The following ECE1 variants were observed in gnomAD, a reference collection of about 807,000 sequenced individuals.
The protein encoded by ECE1 is endothelin converting enzyme 1.
A neutral mutation model predicts 98.6 loss-of-function variants in ECE1; 35 were observed. The ratio of observed to expected loss-of-function variants is 0.35; its 90% CI spans 0.27 to 0.47. The LOEUF (loss-of-function observed/expected upper bound fraction) is 0.47, where lower values mean the gene tolerates loss of function less well. Ranked by LOEUF, ECE1 falls within the 20% of genes least tolerant of loss-of-function variation. The probability of loss-of-function intolerance (pLI) is 1.00; values close to 1 mark genes in which losing one functional copy is unlikely to be tolerated. For synonymous variants in ECE1, 394 were observed against 407.1 expected (o/e 0.97, Z 0.39); for missense variants, 814 against 1,025.3 (o/e 0.79, Z 2.81).
chr1:21,322,036 G>T lies in ECE1; in HGVS notation c.3+23340C>A, dbSNP rs1426003477. Among the ~76,000 whole-genome samples the T allele has an allele frequency of 1.3e-5, 2 of 152,152 alleles. No individual in the cohort carries two copies. Among genetic ancestry groups the T allele is most frequent in the African/African-American group, 4.8e-5 (2 of 41,424 alleles). ...TCCCAGGTCCGAATGAAACAGAGCT[G>T]CGTCCCCGGCCACCCTTTGGTCTGG... is the stretch of plus-strand genomic sequence containing the variant. On this transcript the variant is annotated intron_variant, in intron 1 of 18. Coordinates refer to the ECE1 transcript ENST00000415912. The surrounding 1 kb of genome is among the most constrained non-coding windows in gnomAD (Gnocchi z 4.1).
chr1:21,306,688 C>G (rs1638605569), intron 1 of ECE1, among the ~76,000 whole-genome samples: 1 of 152,180 alleles, frequency 6.6e-6, no homozygotes, highest in African/African-American at 2.4e-5. Context: ...AGGTTACAGT[C>G]AAGATCATCC....
intron 8 of ECE1, among the ~76,000 whole-genome samples, chr1:21,255,586 G>C (rs1203033110): frequency 2.0e-5 from 3 of 152,194 alleles, no homozygotes; most frequent in South Asian, 2.1e-4. Flanking sequence ...CATTTATTAA[G>C]TGCTCACTGT....
chr1:21,284,140 G>GCACC (rs543340690), intron 2 of ECE1, among the ~76,000 whole-genome samples: 42 of 152,338 alleles, frequency 2.8e-4, no homozygotes, highest in South Asian at 1.0e-3. Flanking sequence ...CATCCCTGTC[G>GCACC]CACCTGCCCA....
chr1:21,323,147 C>A (rs1460765904), intron 1 of ECE1, among the ~76,000 whole-genome samples: 1 of 152,208 alleles, frequency 6.6e-6, no homozygotes, highest in Non-Finnish European at 1.5e-5. Flanking sequence ...GTACCCTACT[C>A]TGATCCCCAG....
At position 21,233,598 on chromosome 1, in the gene ECE1, C is replaced by A; in HGVS notation, c.1630G>T (p.Val544Phe). The change falls in exon 14 of 19, where the codon GTC becomes TTC. Residue 544 changes from valine to phenylalanine, a missense_variant. Val to Phe is a conservative substitution (Grantham distance 50). Coordinates refer to ENST00000374893, the MANE Select transcript of ECE1 (RefSeq NM_001397.3). The surrounding 1 kb of genome is among the most constrained non-coding windows in gnomAD (Gnocchi z 4.0). The stretch of plus-strand genomic sequence containing the variant: ...GCTTTCCTGAGCTGATCGGCAGTGA[C>A]CCTCCATGAGAAGTTGAAAAACCGC... ...AMRFFNFSWR[V>F]TADQLRKAPN... 2.5e-6 allele frequency: 4 copies of A among 1,613,880 alleles called. No homozygotes were observed. Among genetic ancestry groups the A allele is most frequent in the Non-Finnish European group, 3.4e-6 (4 of 1,180,004 alleles).
chr1:21,304,756 C>A (rs938441157), intron 1 of ECE1, among the ~76,000 whole-genome samples: 3 of 151,984 alleles, frequency 2.0e-5, no homozygotes, highest in Admixed American at 2.0e-4. Context: ...CTACATTTGT[C>A]AAAACTCCTC....
At chr1:21,336,087 TCAAAA>T (rs1399135571) in intron 1 of ECE1, among the ~76,000 whole-genome samples, 1 of 152,142 alleles carries the variant, frequency 6.6e-6, no homozygotes, top group Non-Finnish European at 1.5e-5. Flanking sequence ...CTTCCTTCTT[TCAAAA>T]AACACTTGAG....
Position 21,257,552 on chromosome 1 carries a change from A to G in ECE1, c.801T>C (p.Tyr267=), listed in dbSNP as rs1206008727. ...QSGLGLPSRD[Y]YLNKTENEKV... Reference sequence around the variant, plus strand: ...TCTCGTTTTCAGTTTTGTTCAGGTAATAGTCTCTCGAGGGCAAGCCCAGGC... The same window carrying G: ...TCTCGTTTTCAGTTTTGTTCAGGTAGTAGTCTCTCGAGGGCAAGCCCAGGC... The change falls in exon 7 of 19, where the codon TAT becomes TAC. Residue 267 remains tyrosine (Y), a synonymous_variant. Coordinates refer to ENST00000374893, the MANE Select transcript of ECE1 (RefSeq NM_001397.3). The G allele has an allele frequency of 1.9e-6, 3 of 1,614,126 alleles. No homozygotes were observed. Among genetic ancestry groups the G allele is most frequent in the Admixed American group, 1.7e-5 (1 of 60,008 alleles).
intron 1 of ECE1, among the ~76,000 whole-genome samples, chr1:21,326,335 C>A (rs1397236238): frequency 2.6e-5 from 4 of 151,524 alleles, no homozygotes; most frequent in African/African-American, 9.7e-5. Flanking sequence ...AGGGTGAAGC[C>A]CCTGGGGGTT....
intron 1 of ECE1, among the ~76,000 whole-genome samples, chr1:21,316,901 G>C (rs914455817): frequency 6.6e-6 from 1 of 152,136 alleles, no homozygotes; most frequent in Non-Finnish European, 1.5e-5. Flanking sequence ...TAGGGAGGCA[G>C]AATCAGGCTG....
At chr1:21,269,450 C>T (rs1201814756) in intron 4 of ECE1, among the ~76,000 whole-genome samples, 2 of 152,190 alleles carry the variant, frequency 1.3e-5, no homozygotes, top group African/African-American at 4.8e-5. Context: ...TTTGCCCACC[C>T]AATTAACCCT....
In ECE1 at chr1:21,248,706, C is replaced by A. The variant is rs1573963616; in HGVS notation, c.1021-1343G>T. 3.3e-5 allele frequency among the ~76,000 whole-genome samples: 5 copies of A among 152,006 alleles called. No individual in the cohort carries two copies. In the South Asian group the frequency reaches 1.0e-3, roughly 32 times the overall value. On this transcript the variant is annotated intron_variant, in intron 8 of 18. Coordinates refer to ENST00000374893, the MANE Select transcript of ECE1 (RefSeq NM_001397.3). ...GTGGCGTGATCTCAGCTCACTGCAA[C>A]CTCCGCCTCCCAGGTTCAAGCGATT...
Position 21,219,724 on chromosome 1 carries a change from T to C in ECE1, c.*231A>G. The C allele has an allele frequency of 1.7e-6, 1 of 587,368 alleles. No individual in the cohort carries two copies. Among genetic ancestry groups the C allele is most frequent in the Non-Finnish European group, 3.0e-6 (1 of 328,460 alleles). The allele number at this position is 587,368 out of a possible 1,614,324, so 36.4% of individuals were successfully genotyped here. On this transcript the variant is annotated 3_prime_UTR_variant, in exon 19 of 19. Transcript: ENST00000374893. This position sits in a 1 kb window ranked among gnomAD's most constrained non-coding sequence, Gnocchi z 4.5. ...GCCACCAGCCCAGCACCCGAATGCC[T>C]GCTGAAGGTGGCGCACACGTGTGCC...
chr1:21,219,627 C>T lies in ECE1; in HGVS notation c.*328G>A. ...AAAAATAGTTTCCCCAAAAATATAT[C>T]TTGAAAGCATTTGACACAGTGGTAT... On this transcript the variant is annotated 3_prime_UTR_variant, in exon 19 of 19. Coordinates refer to ENST00000374893, the MANE Select transcript of ECE1 (RefSeq NM_001397.3). This position sits in a 1 kb window ranked among gnomAD's most constrained non-coding sequence, Gnocchi z 4.5. The T allele has an allele frequency of 5.4e-6, 2 of 368,712 alleles. No homozygotes were observed. The highest frequency in any genetic ancestry group is 5.1e-6 in the Non-Finnish European group (1 of 196,622). The allele number at this position is 368,712 out of a possible 1,614,324, so 22.8% of individuals were successfully genotyped here. A position where few individuals can be genotyped will look rare whatever the true frequency, so the allele number is the denominator to read the frequency against.
At position 21,258,257 on chromosome 1, in the gene ECE1, TTC is replaced by T. The variant is rs1217838735; in HGVS notation, c.762+434_762+435del. Among the ~76,000 whole-genome samples the T allele has an allele frequency of 3.9e-5, 6 of 152,180 alleles. No individual in the cohort carries two copies. Among genetic ancestry groups the T allele is most frequent in the Non-Finnish European group, 8.8e-5 (6 of 68,032 alleles). ...AGCTTTTAGGACCCCCAGCCTGGGT[TTC>T]TCACTTCTGCATTGGAGGTTGGGGC... On this transcript the variant is annotated intron_variant, in intron 6 of 18. Coordinates refer to ENST00000374893, the MANE Select transcript of ECE1 (RefSeq NM_001397.3). This position sits in a 1 kb window ranked among gnomAD's most constrained non-coding sequence, Gnocchi z 4.2.
chr1:21,248,983 G>A (rs542430406), intron 8 of ECE1, among the ~76,000 whole-genome samples: 1 of 152,154 alleles, frequency 6.6e-6, no homozygotes, highest in South Asian at 2.1e-4. Context: ...TTCCCAGCTG[G>A]TGCTTTCCCC....
At chr1:21,273,962 C>T (rs1475847495) in intron 3 of ECE1, among the ~76,000 whole-genome samples, 1 of 152,228 alleles carries the variant, frequency 6.6e-6, no homozygotes, top group Non-Finnish European at 1.5e-5. Flanking sequence ...TGGCCTGAGG[C>T]AGCAACATGA....
At chr1:21,227,040 A>C in intron 16 of ECE1, 119 bp downstream of exon 16, 2 of 965,732 alleles carry the variant, frequency 2.1e-6, no homozygotes, top group African/African-American at 3.2e-5. Context: ...TTTTTTTAGT[A>C]GAGATGGAGG....
intron 2 of ECE1, among the ~76,000 whole-genome samples, chr1:21,284,652 T>C (rs1374521971): frequency 2.6e-5 from 4 of 152,328 alleles, no homozygotes; most frequent in African/African-American, 4.8e-5. Flanking sequence ...AAGTGAGTGC[T>C]TGGCTCACCT....
Sources: gnomAD v4.1 joint callset for allele counts (sites outside exome capture counted in the v4.1 genomes callset) on GRCh38, gnomAD v4.1.1 for gene constraint, Gnocchi (gnomAD v3.1) non-coding constraint, MANE v1.5 for transcripts, NCBI Gene and HGNC (gene_info 2026-07-23, HGNC 2026-07-21) for gene names.